CYP7B1: variants seen among roughly 807,000 people sequenced by gnomAD.
The protein encoded by CYP7B1 is cytochrome P450 7B1.
A neutral mutation model predicts 42.7 loss-of-function variants in CYP7B1; 29 were observed. The observed-to-expected ratio is 0.68, with a 90% CI of 0.51 to 0.93. The LOEUF is 0.93. Among genes scored for constraint, CYP7B1 ranks in the 40% least tolerant of loss-of-function variants. CYP7B1 has a pLI of 0.00. For synonymous variants in CYP7B1, 235 were observed against 218.2 expected (o/e 1.08, Z -0.68); for missense variants, 655 against 600.5 (o/e 1.09, Z -0.95).
At chr8:64,742,794 G>A (rs1166605431) in intron 1 of CYP7B1, among the ~76,000 whole-genome samples, 1 of 152,100 alleles carries the variant, frequency 6.6e-6, no homozygotes, top group Non-Finnish European at 1.5e-5. Flanking sequence ...TGGTCTTGGA[G>A]AATTTAGTCT....
At chr8:64,670,135 C>T (rs1806343143) in intron 1 of CYP7B1, among the ~76,000 whole-genome samples, 1 of 152,190 alleles carries the variant, frequency 6.6e-6, no homozygotes, top group African/African-American at 2.4e-5. Context: ...CTGTGCCGTG[C>T]CCTGTTGCCC....
chr8:64,776,780 C>A (rs1332772978), intron 1 of CYP7B1, among the ~76,000 whole-genome samples: 1 of 152,034 alleles, frequency 6.6e-6, no homozygotes, highest in African/African-American at 2.4e-5. Context: ...GGTCATAAGA[C>A]TTTAATTCCA....
chr8:64,755,718 G>T (rs533066350), intron 1 of CYP7B1, among the ~76,000 whole-genome samples: 1 of 152,252 alleles, frequency 6.6e-6, no homozygotes, highest in Non-Finnish European at 1.5e-5. Context: ...ATCATATTAT[G>T]TAGGTATTTA....
chr8:64,610,245 T>A (rs1168227672), intron 4 of CYP7B1, among the ~76,000 whole-genome samples: 1 of 152,182 alleles, frequency 6.6e-6, no homozygotes, highest in Non-Finnish European at 1.5e-5. Flanking sequence ...AACATCGAAA[T>A]CAGTATTTTT....
At chr8:64,587,208 G>T (rs919076606), downstream of CYP7B1, among the ~76,000 whole-genome samples, 8 of 152,158 alleles carry the variant, frequency 5.3e-5, no homozygotes, top group African/African-American at 1.7e-4. Context: ...CGCAGCACTC[G>T]CGCCCACCGC....
intron 1 of CYP7B1, among the ~76,000 whole-genome samples, chr8:64,628,497 A>G (rs1024189165): frequency 6.6e-6 from 1 of 151,974 alleles, no homozygotes; most frequent in Non-Finnish European, 1.5e-5. Context: ...ACTGCAAAAA[A>G]TTTAGCTGGG....
intron 1 of CYP7B1, among the ~76,000 whole-genome samples, chr8:64,656,336 G>T (rs1260660260): frequency 6.6e-6 from 1 of 152,164 alleles, no homozygotes; most frequent in Non-Finnish European, 1.5e-5. Flanking sequence ...TAAAAAGAAA[G>T]ATTAGTAAAT....
intron 1 of CYP7B1, among the ~76,000 whole-genome samples, chr8:64,713,811 C>G (rs1317882089): frequency 6.6e-6 from 1 of 152,008 alleles, no homozygotes; most frequent in Non-Finnish European, 1.5e-5. Flanking sequence ...CCAAATTTTC[C>G]CAAATTTGAT....
intron 1 of CYP7B1, among the ~76,000 whole-genome samples, chr8:64,655,974 A>T (rs913629587): frequency 7.9e-5 from 12 of 152,130 alleles, no homozygotes; most frequent in African/African-American, 2.7e-4. Context: ...CCTCATGAAC[A>T]CAAAGAAGGG....
At chr8:64,735,503 A>G (rs906061377) in intron 1 of CYP7B1, among the ~76,000 whole-genome samples, 3 of 152,186 alleles carry the variant, frequency 2.0e-5, no homozygotes, top group Non-Finnish European at 2.9e-5. Context: ...TCACCTTTCC[A>G]TAACTAACCT....
intron 1 of CYP7B1, among the ~76,000 whole-genome samples, chr8:64,755,568 G>A (rs955459103): frequency 3.9e-5 from 6 of 151,908 alleles, no homozygotes; most frequent in African/African-American, 7.3e-5. Context: ...ACAGGTGCCC[G>A]CCACCACACC....
intron 1 of CYP7B1, among the ~76,000 whole-genome samples, chr8:64,789,519 A>G (rs1804583677): frequency 6.6e-6 from 1 of 152,192 alleles, no homozygotes; most frequent in Admixed American, 6.5e-5. Flanking sequence ...AAGCCTTTGC[A>G]CTCAGAAGAT....
At chr8:64,607,450 A>G (rs1001681264) in intron 4 of CYP7B1, among the ~76,000 whole-genome samples, 3 of 152,110 alleles carry the variant, frequency 2.0e-5, no homozygotes, top group Non-Finnish European at 4.4e-5. Context: ...CAGTCTTTAA[A>G]CCTAATTTGC....
chr8:64,756,283 A>G (rs1807807550), intron 1 of CYP7B1, among the ~76,000 whole-genome samples: 2 of 152,228 alleles, frequency 1.3e-5, no homozygotes, highest in Admixed American at 1.3e-4. Context: ...CCTGTCCTTC[A>G]AAAATGAAGT....
chr8:64,788,544 C>G (rs4258041), intron 1 of CYP7B1, among the ~76,000 whole-genome samples: 96,670 of 152,016 alleles, frequency 0.64, 32,971 homozygotes, highest in East Asian at 0.81. Flanking sequence ...TGAGTGGCCC[C>G]TGTGATGGGT....
intron 1 of CYP7B1, among the ~76,000 whole-genome samples, chr8:64,646,419 C>A (rs1805955511): frequency 6.6e-6 from 1 of 152,198 alleles, no homozygotes; most frequent in African/African-American, 2.4e-5. Context: ...CAAAAGAAGA[C>A]ATTTATGCAG....
At chr8:64,775,573 A>G (rs1804310594) in intron 1 of CYP7B1, among the ~76,000 whole-genome samples, 1 of 152,140 alleles carries the variant, frequency 6.6e-6, no homozygotes, top group Non-Finnish European at 1.5e-5. Context: ...CAGAGAGATG[A>G]GTAAAAAATA....
At chr8:64,670,040 T>G (rs1316070509) in intron 1 of CYP7B1, among the ~76,000 whole-genome samples, 1 of 152,222 alleles carries the variant, frequency 6.6e-6, no homozygotes, top group African/African-American at 2.4e-5. Flanking sequence ...TTAAGGGCTA[T>G]TCCAACTCCA....
intron 1 of CYP7B1, among the ~76,000 whole-genome samples, chr8:64,723,210 T>C (rs1807272169): frequency 6.6e-6 from 1 of 152,170 alleles, no homozygotes; most frequent in Non-Finnish European, 1.5e-5. Context: ...CATCAAGACA[T>C]GATTCACAGT....
Sources: gnomAD v4.1 joint callset for allele counts (sites outside exome capture counted in the v4.1 genomes callset) on GRCh38, gnomAD v4.1.1 for gene constraint, MANE v1.5 for transcripts, NCBI Gene and HGNC (gene_info 2026-07-23, HGNC 2026-07-21) for gene names.